TMEM117: variants seen among roughly 807,000 people sequenced by gnomAD.
The protein encoded by TMEM117 is transmembrane protein 117.
In TMEM117, 27 loss-of-function variants were observed where a neutral mutation model predicts 52.4. That is an observed-to-expected ratio of 0.51 (90% CI 0.38 to 0.71). TMEM117 has a LOEUF of 0.71. TMEM117 is among the 30% of genes least tolerant of loss of function. The pLI, the probability that TMEM117 is intolerant of heterozygous loss-of-function variation, is 0.00. For synonymous variants in TMEM117, 215 were observed against 206.3 expected, an observed-to-expected ratio of 1.04 and a Z score of -0.36; for missense variants, 556 against 630.5, an observed-to-expected ratio of 0.88 and a Z score of 1.26.
At chr12:44,268,956 T>C (rs1215605725) in intron 5 of TMEM117, among the ~76,000 whole-genome samples, 1 of 152,192 alleles carries the variant, frequency 6.6e-6, no homozygotes, top group Non-Finnish European at 1.5e-5. Context: ...TTTCCTTTAG[T>C]TTTACCAACC....
intron 2 of TMEM117, among the ~76,000 whole-genome samples, chr12:43,906,828 C>G (rs552191471): frequency 1.3e-5 from 2 of 152,092 alleles, no homozygotes; most frequent in South Asian, 2.1e-4. Context: ...TATCCTGCAC[C>G]TGGCTCGGAG....
At chr12:43,805,973 T>C in the TMEM117 span, 60 of 1,544,700 alleles carry the variant, frequency 3.9e-5, no homozygotes, top group Admixed American at 9.0e-5. Context: ...GAAAGCCAAT[T>C]TCCTTCGCTC....
chr12:44,128,453 A>G (rs1449666317), intron 3 of TMEM117, among the ~76,000 whole-genome samples: 1 of 152,172 alleles, frequency 6.6e-6, no homozygotes, highest in African/African-American at 2.4e-5. Context: ...TGTCTTATTC[A>G]TCTTGGTATT....
chr12:44,214,138 ATTTTTTT>A (rs773352634), intron 5 of TMEM117, among the ~76,000 whole-genome samples: 2,299 of 99,196 alleles, frequency 0.023, 65 homozygotes, highest in African/African-American at 0.068. Flanking sequence ...TTTTTTTTTA[ATTTTTTT>A]TTTTTTTTTT....
intron 5 of TMEM117, among the ~76,000 whole-genome samples, chr12:44,222,655 C>T (rs555759260): frequency 6.6e-6 from 1 of 152,264 alleles, no homozygotes; most frequent in African/African-American, 2.4e-5. Flanking sequence ...GGGAAGATTT[C>T]CTCCATTTTC....
intron 3 of TMEM117, among the ~76,000 whole-genome samples, chr12:44,038,583 C>G (rs1483743211): frequency 2.0e-5 from 3 of 152,220 alleles, no homozygotes; most frequent in Admixed American, 1.3e-4. Flanking sequence ...TGAGCACAGT[C>G]TGCCAGTCTG....
chr12:44,301,500 A>G (rs1366045180), intron 6 of TMEM117, among the ~76,000 whole-genome samples: 1 of 152,184 alleles, frequency 6.6e-6, no homozygotes, highest in Non-Finnish European at 1.5e-5. Flanking sequence ...GGAATATTTA[A>G]GTTTGGACCA....
At chr12:44,175,301 G>A (rs983048361) in intron 4 of TMEM117, among the ~76,000 whole-genome samples, 5 of 152,106 alleles carry the variant, frequency 3.3e-5, no homozygotes, top group South Asian at 2.1e-4. Context: ...GCGAGATTTC[G>A]TGATACTAGT....
chr12:44,014,811 T>C (rs1290127277), intron 3 of TMEM117, among the ~76,000 whole-genome samples: 1 of 152,218 alleles, frequency 6.6e-6, no homozygotes, highest in Admixed American at 6.5e-5. Context: ...CTTACTCTGA[T>C]CTTTCCTTAT....
chr12:43,996,372 AGT>A (rs1486323391), intron 3 of TMEM117, among the ~76,000 whole-genome samples: 4 of 152,152 alleles, frequency 2.6e-5, no homozygotes, highest in Non-Finnish European at 5.9e-5. Flanking sequence ...GGCTGGGGCC[AGT>A]GGCTCACACC....
At chr12:43,982,126 T>C (rs913554371) in intron 3 of TMEM117, among the ~76,000 whole-genome samples, 2 of 152,164 alleles carry the variant, frequency 1.3e-5, no homozygotes, top group African/African-American at 4.8e-5. Flanking sequence ...ACCCTGTAAA[T>C]ATGTAGAATT....
Position 44,388,647 on chromosome 12 carries a change from C to T in TMEM117, c.1520C>T (p.Thr507Ile). The T allele has an allele frequency of 6.2e-7, 1 of 1,613,182 alleles. No individual in the cohort carries two copies. Among genetic ancestry groups the T allele is most frequent in the African/African-American group, 1.3e-5 (1 of 74,972 alleles). Residue 507 changes from threonine (T) to isoleucine (I), a missense_variant, in exon 8 of 8, where the codon ACT becomes ATT. Thr to Ile is a moderately conservative substitution (Grantham distance 89). Around this residue, in one of 3 missense-constraint regions of TMEM117, gnomAD observed 206 missense variants for 211.1 expected, o/e 0.98. Transcript: ENST00000266534. Reference sequence around the variant, plus strand: ...ACAGAAGCTGATCAAGACCCAACGACTTCTAAAAGTACACCTACGAACTAG... The same window carrying T: ...ACAGAAGCTGATCAAGACCCAACGATTTCTAAAAGTACACCTACGAACTAG... ...SATEADQDPT[T>I]SKSTPTN
At chr12:44,236,457 G>A (rs992284222) in intron 5 of TMEM117, among the ~76,000 whole-genome samples, 1 of 151,832 alleles carries the variant, frequency 6.6e-6, no homozygotes, top group Non-Finnish European at 1.5e-5. Context: ...TTGTGTTTTT[G>A]TCAAAGCTGC....
intron 3 of TMEM117, among the ~76,000 whole-genome samples, chr12:44,074,345 A>C (rs1417830137): frequency 6.6e-6 from 1 of 152,206 alleles, no homozygotes; most frequent in Non-Finnish European, 1.5e-5. Context: ...CATCCTGATT[A>C]TAGTTTTTAT....
intron 3 of TMEM117, among the ~76,000 whole-genome samples, chr12:44,014,240 C>T (rs751248973): frequency 1.3e-5 from 2 of 152,092 alleles, no homozygotes; most frequent in African/African-American, 4.8e-5. Context: ...CACTGTGGTG[C>T]AGAGAATAAC....
chr12:44,298,109 G>A (rs2138637044), intron 5 of TMEM117, among the ~76,000 whole-genome samples: 1 of 147,268 alleles, frequency 6.8e-6, no homozygotes, highest in South Asian at 2.1e-4. Flanking sequence ...CATAAGAAGT[G>A]TTTCTTTATA....
intron 3 of TMEM117, among the ~76,000 whole-genome samples, chr12:44,131,413 A>C (rs1026430331): frequency 6.6e-6 from 1 of 152,090 alleles, no homozygotes; most frequent in Non-Finnish European, 1.5e-5. Context: ...GCTGATGATC[A>C]ATATTTCTAA....
At chr12:43,912,417 C>CA (rs1944522607) in intron 2 of TMEM117, among the ~76,000 whole-genome samples, 1 of 150,914 alleles carries the variant, frequency 6.6e-6, no homozygotes. Flanking sequence ...TTAGTGGGTG[C>CA]AGTGCACCAG....
intron 4 of TMEM117, among the ~76,000 whole-genome samples, chr12:44,174,081 T>G (rs1156360473): frequency 6.6e-6 from 1 of 152,220 alleles, no homozygotes; most frequent in African/African-American, 2.4e-5. Context: ...ACCATATTAA[T>G]TTAACTCTCT....
Sources: gnomAD v4.1 joint callset for allele counts (sites outside exome capture counted in the v4.1 genomes callset) on GRCh38, gnomAD v4.1.1 for gene constraint, gnomAD v4.1.1 regional missense constraint, MANE v1.5 for transcripts, NCBI Gene and HGNC (gene_info 2026-07-23, HGNC 2026-07-21) for gene names.